The following FGF14 variants were observed in gnomAD, a reference collection of about 807,000 sequenced individuals.
FGF14 encodes fibroblast growth factor homologous factor 4.
FGF14 carries 5 observed loss-of-function variants against 25.5 expected under a neutral mutation model. The observed-to-expected ratio is 0.20, with a 90% CI of 0.10 to 0.41. The LOEUF (loss-of-function observed/expected upper bound fraction) is 0.41, where lower values mean the gene tolerates loss of function less well. Among genes scored for constraint, FGF14 ranks in the 10% least tolerant of loss-of-function variants. The pLI is 1.00. For synonymous variants in FGF14, 138 were observed against 118.3 expected (o/e 1.17, Z -1.08); for missense variants, 222 against 320.1 (o/e 0.69, Z 2.34).
chr13:102,331,083 A>C (rs2056620446), intron 1 of FGF14, among the ~76,000 whole-genome samples: 1 of 152,194 alleles, frequency 6.6e-6, no homozygotes, highest in Admixed American at 6.5e-5. Flanking sequence ...AGTTTTCTTC[A>C]CTGTAAAATG....
At chr13:101,972,920 T>C (rs2037693586) in intron 1 of FGF14, among the ~76,000 whole-genome samples, 1 of 152,162 alleles carries the variant, frequency 6.6e-6, no homozygotes, top group Non-Finnish European at 1.5e-5. Flanking sequence ...AAAGAGCTGA[T>C]TTTATGGAAA....
chr13:101,821,248 C>G (rs902277469), intron 3 of FGF14, among the ~76,000 whole-genome samples: 1 of 152,096 alleles, frequency 6.6e-6, no homozygotes, highest in Non-Finnish European at 1.5e-5. Flanking sequence ...GCGCCCGGCC[C>G]AAATTTTGCT....
chr13:102,227,237 C>T (rs1348433178), intron 1 of FGF14, among the ~76,000 whole-genome samples: 2 of 152,062 alleles, frequency 1.3e-5, no homozygotes, highest in South Asian at 2.1e-4. Flanking sequence ...TACATACTCT[C>T]TTGCTTCATG....
chr13:101,841,711 C>T (rs577576184), intron 3 of FGF14, among the ~76,000 whole-genome samples: 6 of 152,014 alleles, frequency 3.9e-5, no homozygotes, highest in South Asian at 2.1e-4. Context: ...GGCCAGGTTC[C>T]TAGGACTCGT....
At chr13:102,019,285 C>T (rs960933211) in intron 1 of FGF14, among the ~76,000 whole-genome samples, 1 of 152,104 alleles carries the variant, frequency 6.6e-6, no homozygotes, top group African/African-American at 2.4e-5. Flanking sequence ...TTTTAAGAAT[C>T]ACTTTCTTCT....
At chr13:101,929,224 A>G (rs1419365723) in intron 1 of FGF14, among the ~76,000 whole-genome samples, 1 of 152,224 alleles carries the variant, frequency 6.6e-6, no homozygotes, top group Admixed American at 6.5e-5. Flanking sequence ...AACAGTGGAA[A>G]GAGTCAGCTC....
rs141049223 is a variant in FGF14, at chr13:102,125,842, G to A, written c.209-250546C>T. Among the ~76,000 whole-genome samples the A allele has an allele frequency of 2.0e-4, 30 of 152,160 alleles. No individual in the cohort carries two copies. The East Asian group carries it at 5.2e-3, about 26-fold the overall frequency. ...TTGTCTAACTTTCCTTTTGGCAACT[G>A]ATGCTGTGGATATAGTCGATGAAAT... On this transcript the variant is annotated intron_variant, in intron 1 of 4. Coordinates refer to the FGF14 transcript ENST00000376131.
At chr13:101,917,410 G>A (rs1241085806), upstream of FGF14, among the ~76,000 whole-genome samples, 1 of 152,124 alleles carries the variant, frequency 6.6e-6, no homozygotes, top group African/African-American at 2.4e-5. Context: ...TGGATTGCAG[G>A]GATGGGGTGC....
At chr13:101,776,241 A>T (rs190431358) in intron 3 of FGF14, among the ~76,000 whole-genome samples, 72 of 152,308 alleles carry the variant, frequency 4.7e-4, no homozygotes, top group African/African-American at 1.7e-3. Context: ...TTTGTCAGCT[A>T]ATCAGCCAGA....
rs73567204 is a variant in FGF14, at chr13:102,217,950, A to G, written c.208+183521T>C. 4.5e-3 allele frequency among the ~76,000 whole-genome samples: 688 copies of G among 152,290 alleles called. 3 individuals carry two copies. The highest frequency in any genetic ancestry group is 0.016 in the African/African-American group (651 of 41,542). On this transcript the variant is annotated intron_variant, in intron 1 of 4. Transcript: ENST00000376131. ...TGTGCAGATCAAGCCCATATTGCACAGTAAAAAAAATATGCACATATATTT... is the reference window on the plus strand; with the variant it reads ...TGTGCAGATCAAGCCCATATTGCACGGTAAAAAAAATATGCACATATATTT...
intron 3 of FGF14, among the ~76,000 whole-genome samples, chr13:101,782,322 T>C (rs2039549257): frequency 6.6e-6 from 1 of 152,258 alleles, no homozygotes; most frequent in South Asian, 2.1e-4. Flanking sequence ...GCCAATATCA[T>C]ATTTCAAATC....
intron 1 of FGF14, chr13:102,373,491 A>G (rs1251121783): frequency 6.6e-6 from 1 of 152,192 alleles, no homozygotes; most frequent in East Asian, 1.9e-4. Context: ...GTCATACCAA[A>G]TAACTTCATT....
At chr13:102,000,559 A>G (rs550020637) in intron 1 of FGF14, among the ~76,000 whole-genome samples, 43 of 152,298 alleles carry the variant, frequency 2.8e-4, no homozygotes, top group Non-Finnish European at 5.6e-4. Context: ...ACAAGTATGT[A>G]TTTTTGTTAC....
intron 1 of FGF14, among the ~76,000 whole-genome samples, chr13:102,040,517 T>C (rs558006938): frequency 6.6e-6 from 1 of 152,234 alleles, no homozygotes; most frequent in East Asian, 1.9e-4. Context: ...GACTTACACA[T>C]CTGTAAACTG....
intron 1 of FGF14, among the ~76,000 whole-genome samples, chr13:102,343,990 G>A (rs2057030332): frequency 6.6e-6 from 1 of 152,138 alleles, no homozygotes; most frequent in Non-Finnish European, 1.5e-5. Context: ...AGAATATGGA[G>A]TGCTTTTAAA....
At position 102,116,093 on chromosome 13, in the gene FGF14, A is replaced by G. The variant is rs139462418; in HGVS notation, c.209-240797T>C. 8.2e-3 allele frequency among the ~76,000 whole-genome samples: 1,255 copies of G among 152,270 alleles called. 10 individuals are homozygous for G. Among genetic ancestry groups the G allele is most frequent in the Middle Eastern group, 0.014 (4 of 294 alleles). Reference sequence around the variant, plus strand: ...CCACTAGACTCCAGCCTGGGCAACAAGAGCGAAATTCCATCTCAAATAAAC... The same window carrying G: ...CCACTAGACTCCAGCCTGGGCAACAGGAGCGAAATTCCATCTCAAATAAAC... On this transcript the variant is annotated intron_variant, in intron 1 of 4. Coordinates refer to the FGF14 transcript ENST00000376131.
intron 1 of FGF14, among the ~76,000 whole-genome samples, chr13:101,885,416 C>T (rs1344160554): frequency 1.3e-5 from 2 of 151,966 alleles, no homozygotes; most frequent in Non-Finnish European, 2.9e-5. Flanking sequence ...CACTTTCCCC[C>T]GACTCTCCCA....
intron 3 of FGF14, among the ~76,000 whole-genome samples, chr13:101,810,455 A>G (rs1343903801): frequency 6.6e-6 from 1 of 152,214 alleles, no homozygotes; most frequent in Non-Finnish European, 1.5e-5. Context: ...ATTATACTCT[A>G]TTTGATGCAT....
intron 1 of FGF14, among the ~76,000 whole-genome samples, chr13:101,932,892 T>A (rs1001256263): frequency 6.6e-6 from 1 of 152,068 alleles, no homozygotes; most frequent in African/African-American, 2.4e-5. Context: ...CCCAATTCAA[T>A]GAATTTTGAG....
Sources: allele counts gnomAD v4.1 joint callset (sites outside exome capture counted in the v4.1 genomes callset), GRCh38; gene constraint gnomAD v4.1.1; transcripts MANE v1.5; gene names NCBI Gene and HGNC (gene_info 2026-07-23, HGNC 2026-07-21).